The following RUSF1 variants were observed in gnomAD, a reference collection of about 807,000 sequenced individuals.
RUSF1 encodes the protein RUS1 family protein C16orf58.
In RUSF1, 58 loss-of-function variants were observed where a neutral mutation model predicts 63.0. The ratio of observed to expected loss-of-function variants is 0.92; its 90% CI spans 0.75 to 1.15. The LOEUF is 1.15. RUSF1 is among the 50% of genes most tolerant of loss of function. RUSF1 has a pLI of 0.00. For synonymous variants in RUSF1, 274 were observed against 255.8 expected (o/e 1.07, Z -0.68); for missense variants, 652 against 611.0 (o/e 1.07, Z -0.71).
intron 2 of RUSF1, among the ~76,000 whole-genome samples, chr16:31,505,161 G>A (rs2082651850): frequency 6.6e-6 from 1 of 152,166 alleles, no homozygotes; most frequent in East Asian, 1.9e-4. Context: ...TGGCGGCAAT[G>A]CTGCTCTGCT....
At chr16:31,492,920 G>C in intron 10 of RUSF1, 58 bp downstream of exon 10, 2 of 1,532,194 alleles carry the variant, frequency 1.3e-6, no homozygotes, top group Non-Finnish European at 1.8e-6. Context: ...TAGGTTGGAG[G>C]AATGAGAGGC....
chr16:31,504,789 GT>G (rs2082650006), intron 2 of RUSF1, among the ~76,000 whole-genome samples: 1 of 152,200 alleles, frequency 6.6e-6, no homozygotes, highest in Non-Finnish European at 1.5e-5. Flanking sequence ...TAAGAAAATT[GT>G]TTTGCCTTGA....
At chr16:31,507,740 T>C (rs1261147219) in intron 2 of RUSF1, 24 bp downstream of exon 2, 2 of 1,550,200 alleles carry the variant, frequency 1.3e-6, no homozygotes, top group African/African-American at 2.7e-5. Flanking sequence ...CAGCAATACG[T>C]GAGGCTCCAG....
intron 5 of RUSF1, among the ~76,000 whole-genome samples, chr16:31,497,842 G>A (rs1302970990): frequency 3.9e-5 from 6 of 152,268 alleles, no homozygotes; most frequent in Non-Finnish European, 8.8e-5. Context: ...ACCACACGGA[G>A]CCTGGCAAGC....
At position 31,508,145 on chromosome 16, in the gene RUSF1, A is replaced by G. The variant is rs2082671730; in HGVS notation, c.229T>C (p.Phe77Leu). ...CTATCAGGGAAGCCCTGAGGCAGGA[A>G]CACGGCCTGGAGCCCGGAGAGGGGC... ...SPPLSGLQAV[F>L]LPQGFPDSVS... The change falls in exon 1 of 13, where the codon TTC becomes CTC. Residue 77 changes from phenylalanine to leucine, a missense_variant. By Grantham distance (22) the Phe-to-Leu change is conservative (BLOSUM62 0). Coordinates refer to ENST00000327237, the MANE Select transcript of RUSF1 (RefSeq NM_022744.4). 3.1e-6 allele frequency: 5 copies of G among 1,594,966 alleles called. No homozygotes were observed. In the East Asian group the frequency reaches 1.2e-4, roughly 37 times the overall value.
intron 4 of RUSF1, 40 bp downstream of exon 4, chr16:31,499,453 T>C: frequency 3.1e-6 from 5 of 1,612,628 alleles, no homozygotes; most frequent in Non-Finnish European, 4.2e-6. Flanking sequence ...GAGACTTTCA[T>C]AATGGAAGAC....
chr16:31,492,323 GA>G lies in RUSF1; in HGVS notation c.1104del (p.Leu369Ter). 6.3e-7 allele frequency: 1 copy of G among 1,586,104 alleles called. No homozygotes were observed. ...WDQSQNQVQV[V>X]LNQKAGPKTI... Reference sequence around the variant, plus strand: ...GTCTTGGGGCCTGCCTTCTGGTTCAGAACTACCTGTACCTGGTCTGGAGGGA... The same window carrying G: ...GTCTTGGGGCCTGCCTTCTGGTTCAGACTACCTGTACCTGGTCTGGAGGGA... On this transcript the variant is annotated frameshift_variant, in exon 11 of 13. Transcript: ENST00000327237. LOFTEE classifies it high-confidence loss of function.
intron 5 of RUSF1, 61 bp from the exon 6 acceptor site, chr16:31,497,011 C>T: frequency 7.2e-7 from 1 of 1,380,446 alleles, no homozygotes; most frequent in Non-Finnish European, 9.9e-7. Context: ...CACAGGCACT[C>T]AGACCAGCTG....
Position 31,489,674 on chromosome 16 carries a change from G to A in RUSF1, c.*1161C>T. On this transcript the variant is annotated 3_prime_UTR_variant, in exon 13 of 13. Coordinates refer to ENST00000327237, the MANE Select transcript of RUSF1 (RefSeq NM_022744.4). ...GGTTTGGTTTTGTTGCCAAAGGGCAGGTGGCTCCAGGCAGGGCTGATGGTG... is the reference window on the plus strand; with the variant it reads ...GGTTTGGTTTTGTTGCCAAAGGGCAAGTGGCTCCAGGCAGGGCTGATGGTG... 2 of 479,812 alleles carry A rather than the reference G, an allele frequency of 4.2e-6. No homozygotes were observed. The allele number at this position is 479,812 out of a possible 1,614,324, so 29.7% of individuals were successfully genotyped here. A position where few individuals can be genotyped will look rare whatever the true frequency, so the allele number is the denominator to read the frequency against.
At position 31,492,326 on chromosome 16, in the gene RUSF1, CTACCTG is replaced by C; in HGVS notation, c.1096_1101del (p.Gln366_Val367del). The C allele has an allele frequency of 6.3e-7, 1 of 1,576,978 alleles. No individual in the cohort carries two copies. The highest frequency in any genetic ancestry group is 8.6e-7 in the Non-Finnish European group (1 of 1,162,094). On this transcript the variant is annotated inframe_deletion, in exon 11 of 13. Transcript: ENST00000327237. Reference sequence around the variant, plus strand: ...TTGGGGCCTGCCTTCTGGTTCAGAACTACCTGTACCTGGTCTGGAGGGACCCAGAGA... The same window carrying C: ...TTGGGGCCTGCCTTCTGGTTCAGAACTACCTGGTCTGGAGGGACCCAGAGA...
chr16:31,506,118 T>C (rs557634403), intron 2 of RUSF1, among the ~76,000 whole-genome samples: 4 of 152,344 alleles, frequency 2.6e-5, no homozygotes, highest in South Asian at 2.1e-4. Context: ...TCAGGAACGA[T>C]GGGGACGCTA....
At chr16:31,498,100 AGAG>A (rs2082613548) in intron 5 of RUSF1, among the ~76,000 whole-genome samples, 1 of 152,146 alleles carries the variant, frequency 6.6e-6, no homozygotes, top group African/African-American at 2.4e-5. Context: ...GGAAGGGGGA[AGAG>A]GAGGAGGTGG....
rs766077432 is a variant in RUSF1, at chr16:31,508,063, A to C, written c.300+11T>G. 2 of 1,596,312 alleles carry C rather than the reference A, an allele frequency of 1.3e-6. No individual in the cohort carries two copies. Among genetic ancestry groups the C allele is most frequent in the Admixed American group, 1.7e-5 (1 of 57,814 alleles). On this transcript the variant is annotated intron_variant, in intron 1 of 12. Transcript: ENST00000327237. ...CCTGCACTGTCCTCTGCCCCAGACGACCGAGCTGACCTGCACGGAATCCCA... is the reference window on the plus strand; with the variant it reads ...CCTGCACTGTCCTCTGCCCCAGACGCCCGAGCTGACCTGCACGGAATCCCA...
At chr16:31,504,137 T>C (rs1403295258) in intron 2 of RUSF1, among the ~76,000 whole-genome samples, 1 of 151,962 alleles carries the variant, frequency 6.6e-6, no homozygotes, top group Admixed American at 6.6e-5. Context: ...TGACCCCAAG[T>C]GATCCACCTG....
In RUSF1 at chr16:31,493,707, T is replaced by A. The variant is rs1469383424; in HGVS notation, c.854A>T (p.Glu285Val). Residue 285 changes from glutamate (E) to valine (V), a missense_variant, in exon 8 of 13, where the codon GAG becomes GTG. Physicochemically the swap from Glu to Val is moderately radical, Grantham distance 121. Coordinates refer to ENST00000327237, the MANE Select transcript of RUSF1 (RefSeq NM_022744.4). ...NYRAVRALVM[E>V]TLNEGRLRLV... ...CCGGAGCCGGCCTTCGTTCAAGGTCTCCATGACCAGGGCTCGGACCGCGCG... is the reference window on the plus strand; with the variant it reads ...CCGGAGCCGGCCTTCGTTCAAGGTCACCATGACCAGGGCTCGGACCGCGCG... 3 of 1,614,212 alleles carry A rather than the reference T, an allele frequency of 1.9e-6. No individual in the cohort carries two copies.
At chr16:31,500,077 C>T (rs2082624946) in intron 3 of RUSF1, among the ~76,000 whole-genome samples, 1 of 152,142 alleles carries the variant, frequency 6.6e-6, no homozygotes, top group East Asian at 1.9e-4. Context: ...ACCTCACCTG[C>T]CCTTTTCGTC....
chr16:31,494,023 G>T, intron 6 of RUSF1, 87 bp from the exon 7 acceptor site: 1 of 1,391,334 alleles, frequency 7.2e-7, no homozygotes. Context: ...CATCCTCCCT[G>T]CTCCACAACC....
intron 6 of RUSF1, 118 bp downstream of exon 6, chr16:31,496,731 G>T: frequency 2.2e-6 from 2 of 899,012 alleles, no homozygotes; most frequent in Non-Finnish European, 3.2e-6. Flanking sequence ...GGTGTCTTGA[G>T]TCAGCAGGGA....
In RUSF1 at chr16:31,489,654, G is replaced by C. The variant is rs1596622134; in HGVS notation, c.*1181C>G. The C allele has an allele frequency of 2.0e-6, 1 of 509,816 alleles. No homozygotes were observed. The highest frequency in any genetic ancestry group is 3.2e-5 in the Admixed American group (1 of 31,046). The allele number at this position is 509,816 out of a possible 1,614,324, so 31.6% of individuals were successfully genotyped here. A position where few individuals can be genotyped will look rare whatever the true frequency, so the allele number is the denominator to read the frequency against. ...ATCTTGAACGCCCACAAAAAGGTTT[G>C]GTTTTGTTGCCAAAGGGCAGGTGGC... On this transcript the variant is annotated 3_prime_UTR_variant, in exon 13 of 13. Coordinates refer to ENST00000327237, the MANE Select transcript of RUSF1 (RefSeq NM_022744.4).
Sources: gnomAD v4.1 joint callset for allele counts (sites outside exome capture counted in the v4.1 genomes callset) on GRCh38, gnomAD v4.1.1 for gene constraint, MANE v1.5 for transcripts, NCBI Gene and HGNC (gene_info 2026-07-23, HGNC 2026-07-21) for gene names.